The following CSMD1 variants were observed in gnomAD, a reference collection of about 807,000 sequenced individuals.
CSMD1 encodes the protein CUB and sushi domain-containing protein 1.
A neutral mutation model predicts 417.5 loss-of-function variants in CSMD1; 213 were observed. That is an observed-to-expected ratio of 0.51 (90% CI 0.46 to 0.57). CSMD1 has a LOEUF of 0.57. Among genes scored for constraint, CSMD1 ranks in the 20% least tolerant of loss-of-function variants. The pLI, the probability that CSMD1 is intolerant of heterozygous loss-of-function variation, is 0.00. For synonymous variants in CSMD1, 2,862 were observed against 1,736.8 expected (o/e 1.65, Z -16.11); for missense variants, 6,923 against 4,529.7 (o/e 1.53, Z -15.17).
At chr8:4,105,641 C>T (rs1801530170) in intron 3 of CSMD1, among the ~76,000 whole-genome samples, 1 of 152,184 alleles carries the variant, frequency 6.6e-6, no homozygotes, top group Non-Finnish European at 1.5e-5. Context: ...ATTGGAGTAG[C>T]AGGTGGAACG....
intron 2 of CSMD1, among the ~76,000 whole-genome samples, chr8:4,633,076 A>G (rs60270323): frequency 6.6e-6 from 1 of 152,150 alleles, no homozygotes; most frequent in Non-Finnish European, 1.5e-5. Flanking sequence ...GGACAGCAGC[A>G]GATGTGTCAG....
At chr8:4,696,112 A>G (rs192351861) in intron 1 of CSMD1, among the ~76,000 whole-genome samples, 125 of 152,322 alleles carry the variant, frequency 8.2e-4, no homozygotes, top group African/African-American at 3.0e-3. Context: ...CAACAAGGAT[A>G]ATGCCTTGAA....
intron 2 of CSMD1, among the ~76,000 whole-genome samples, chr8:4,471,378 T>G (rs1028718794): frequency 6.6e-5 from 10 of 152,158 alleles, no homozygotes; most frequent in East Asian, 3.9e-4. Context: ...AGACTATTTC[T>G]AATTTACTAT....
intron 5 of CSMD1, among the ~76,000 whole-genome samples, chr8:3,906,046 G>A (rs1227700131): frequency 2.0e-5 from 3 of 152,062 alleles, no homozygotes; most frequent in African/African-American, 4.8e-5. Flanking sequence ...CCTAAATAGC[G>A]AGAGGAGGTG....
intron 52 of CSMD1, among the ~76,000 whole-genome samples, chr8:3,008,326 C>T (rs1808116259): frequency 6.6e-6 from 1 of 152,180 alleles, no homozygotes; most frequent in Non-Finnish European, 1.5e-5. Flanking sequence ...TAGGGACACA[C>T]ACAGGGAAAA....
At chr8:4,528,598 A>C (rs1796637680) in intron 2 of CSMD1, among the ~76,000 whole-genome samples, 1 of 152,228 alleles carries the variant, frequency 6.6e-6, no homozygotes. Context: ...AACAATAAAC[A>C]TAAAGCAAAA....
intron 3 of CSMD1, among the ~76,000 whole-genome samples, chr8:4,212,727 A>G (rs1304619859): frequency 6.7e-6 from 1 of 148,876 alleles, no homozygotes; most frequent in African/African-American, 2.5e-5. Flanking sequence ...AACATTGTGA[A>G]AAGTTTACAA....
chr8:3,728,352 T>C (rs1033135606), intron 6 of CSMD1, among the ~76,000 whole-genome samples: 1 of 152,190 alleles, frequency 6.6e-6, no homozygotes, highest in Non-Finnish European at 1.5e-5. Flanking sequence ...TGGGAGTCCA[T>C]TAAACCTCGT....
intron 6 of CSMD1, among the ~76,000 whole-genome samples, chr8:3,716,248 A>G (rs898384484): frequency 1.3e-5 from 2 of 152,154 alleles, no homozygotes; most frequent in Admixed American, 6.5e-5. Context: ...CCAGACCCCA[A>G]GAGAGTGTTC....
At chr8:4,576,594 T>C (rs963753826) in intron 2 of CSMD1, among the ~76,000 whole-genome samples, 4 of 152,212 alleles carry the variant, frequency 2.6e-5, no homozygotes, top group Non-Finnish European at 5.9e-5. Context: ...TTATTGTCCA[T>C]CCAGTATCTA....
At chr8:4,567,229 A>G (rs1384405779) in intron 2 of CSMD1, among the ~76,000 whole-genome samples, 1 of 152,224 alleles carries the variant, frequency 6.6e-6, no homozygotes, top group African/African-American at 2.4e-5. Flanking sequence ...GGGATTGAAT[A>G]TAAGTGAGTG....
chr8:3,022,994 T>C (rs1809563095), intron 51 of CSMD1, among the ~76,000 whole-genome samples: 1 of 152,218 alleles, frequency 6.6e-6, no homozygotes, highest in African/African-American at 2.4e-5. Flanking sequence ...TATTTGATGT[T>C]AGCTGGGCAT....
At position 4,085,208 on chromosome 8, in the gene CSMD1, G is replaced by C. The variant is rs34384606; in HGVS notation, c.416-53109C>G. Among the ~76,000 whole-genome samples, 1,454 of 152,232 alleles carry C rather than the reference G, an allele frequency of 9.6e-3. 10 individuals carry two copies. Among genetic ancestry groups the C allele is most frequent in the Middle Eastern group, 0.02 (6 of 294 alleles). On this transcript the variant is annotated intron_variant, in intron 3 of 69. Transcript: ENST00000635120. ...GCACAGTGCCTGCAACTTCAGCCCA[G>C]CTAGACATGAATCATCTGATTGATT...
At chr8:4,792,671 A>G (rs1797754800) in intron 1 of CSMD1, among the ~76,000 whole-genome samples, 1 of 152,180 alleles carries the variant, frequency 6.6e-6, no homozygotes, top group South Asian at 2.1e-4. Flanking sequence ...CACTCAATTT[A>G]TAATCAATGG....
chr8:4,154,777 T>C (rs1429984427), intron 3 of CSMD1, among the ~76,000 whole-genome samples: 1 of 151,996 alleles, frequency 6.6e-6, no homozygotes, highest in East Asian at 1.9e-4. Flanking sequence ...ATATCACTGA[T>C]CACAGAGAAA....
intron 5 of CSMD1, among the ~76,000 whole-genome samples, chr8:3,856,455 C>T (rs778074672): frequency 6.6e-6 from 1 of 152,180 alleles, no homozygotes; most frequent in Non-Finnish European, 1.5e-5. Context: ...CATACTACTC[C>T]TAACATGCTG....
chr8:3,001,369 T>C (rs1007969418), intron 52 of CSMD1, among the ~76,000 whole-genome samples: 8 of 152,130 alleles, frequency 5.3e-5, no homozygotes, highest in African/African-American at 1.4e-4. Context: ...TCCTCCAACT[T>C]CTCCTTTTCT....
chr8:3,653,463 C>A (rs1797958793), intron 7 of CSMD1, among the ~76,000 whole-genome samples: 1 of 152,116 alleles, frequency 6.6e-6, no homozygotes, highest in African/African-American at 2.4e-5. Context: ...TGCCCAACAC[C>A]ACACCCGGCT....
intron 18 of CSMD1, among the ~76,000 whole-genome samples, chr8:3,386,626 AAATACCT>A (rs1811019115): frequency 6.6e-6 from 1 of 152,212 alleles, no homozygotes; most frequent in African/African-American, 2.4e-5. Context: ...GTTTGAAAGG[AAATACCT>A]TTGTCTGTGA....
Sources: allele counts gnomAD v4.1 joint callset (sites outside exome capture counted in the v4.1 genomes callset), GRCh38; gene constraint gnomAD v4.1.1; transcripts MANE v1.5; gene names NCBI Gene and HGNC (gene_info 2026-07-23, HGNC 2026-07-21).